ULK4: variants seen among roughly 807,000 people sequenced by gnomAD.
The protein encoded by ULK4 is unc-51 like kinase 4.
Under a neutral mutation model 160.6 loss-of-function variants are expected in ULK4, and 133 were observed. The observed-to-expected ratio is 0.83, with a 90% CI of 0.72 to 0.96. ULK4 has a LOEUF of 0.96. Ranked by LOEUF, ULK4 falls within the 40% of genes least tolerant of loss-of-function variation. The pLI is 0.00. For synonymous variants in ULK4, 534 were observed against 539.8 expected (o/e 0.99, Z 0.15); for missense variants, 1,580 against 1,499.5 (o/e 1.05, Z -0.89).
chr3:41,934,111 CA>C (rs1233136721), intron 4 of ULK4, among the ~76,000 whole-genome samples: 1 of 151,996 alleles, frequency 6.6e-6, no homozygotes, highest in East Asian at 1.9e-4. Context: ...AGAAACAAAT[CA>C]AAATAATATT....
chr3:41,272,841 G>A (rs2079162424), intron 35 of ULK4, among the ~76,000 whole-genome samples: 1 of 151,888 alleles, frequency 6.6e-6, no homozygotes, highest in East Asian at 1.9e-4. Context: ...TTTTTCTTCT[G>A]CAATATCTAA....
At chr3:41,639,180 A>C (rs959129343) in intron 30 of ULK4, among the ~76,000 whole-genome samples, 1 of 152,176 alleles carries the variant, frequency 6.6e-6, no homozygotes, top group African/African-American at 2.4e-5. Context: ...AGCAAATAAC[A>C]GTTTCTGAAT....
intron 27 of ULK4, among the ~76,000 whole-genome samples, chr3:41,698,877 T>C (rs1389327469): frequency 6.6e-6 from 1 of 152,218 alleles, no homozygotes; most frequent in Non-Finnish European, 1.5e-5. Flanking sequence ...TTAACTTTTT[T>C]GCAAGTGGAA....
chr3:41,699,725 C>T (rs1263367980), intron 27 of ULK4, among the ~76,000 whole-genome samples: 5 of 152,206 alleles, frequency 3.3e-5, no homozygotes, highest in African/African-American at 1.2e-4. Context: ...TTTCAAACAA[C>T]AGTATGTTCC....
intron 32 of ULK4, among the ~76,000 whole-genome samples, chr3:41,465,167 G>A (rs957300342): frequency 1.3e-5 from 2 of 152,130 alleles, no homozygotes; most frequent in Admixed American, 1.3e-4. Flanking sequence ...TATTTTCAGT[G>A]TTCTTCATAG....
At chr3:41,802,989 A>T (rs2040510997) in intron 19 of ULK4, among the ~76,000 whole-genome samples, 1 of 151,984 alleles carries the variant, frequency 6.6e-6, no homozygotes, top group South Asian at 2.1e-4. Flanking sequence ...ATATGGTGAA[A>T]CCCCATCTCT....
intron 35 of ULK4, among the ~76,000 whole-genome samples, chr3:41,297,682 A>G (rs2079697005): frequency 6.6e-6 from 1 of 152,218 alleles, no homozygotes; most frequent in Admixed American, 6.5e-5. Context: ...AAGCCAAAGA[A>G]AAATGAATAC....
intron 30 of ULK4, among the ~76,000 whole-genome samples, chr3:41,630,568 T>A (rs2125702571): frequency 6.6e-6 from 1 of 152,294 alleles, no homozygotes; most frequent in African/African-American, 2.4e-5. Flanking sequence ...ACCCAGATAA[T>A]CTCCATATTT....
intron 21 of ULK4, among the ~76,000 whole-genome samples, chr3:41,758,466 T>C (rs2038877315): frequency 6.6e-6 from 1 of 152,184 alleles, no homozygotes; most frequent in African/African-American, 2.4e-5. Flanking sequence ...CAGTATACCT[T>C]AGGAACACAG....
chr3:41,785,229 C>A (rs2039965889), intron 21 of ULK4, among the ~76,000 whole-genome samples: 1 of 152,136 alleles, frequency 6.6e-6, no homozygotes. Context: ...ATTGGTGCAT[C>A]ACAAAATAAA....
intron 35 of ULK4, among the ~76,000 whole-genome samples, chr3:41,366,900 A>G (rs2125778445): frequency 6.6e-6 from 1 of 152,286 alleles, no homozygotes; most frequent in Non-Finnish European, 1.5e-5. Context: ...CACAGTTCTT[A>G]ACATTTCTCT....
chr3:41,285,357 G>A (rs775409887), intron 35 of ULK4, among the ~76,000 whole-genome samples: 11 of 152,116 alleles, frequency 7.2e-5, no homozygotes, highest in Non-Finnish European at 8.8e-5. Flanking sequence ...ATCAATCAAC[G>A]AGTGGATAAA....
At chr3:41,540,230 C>A (rs950609263) in intron 32 of ULK4, among the ~76,000 whole-genome samples, 1 of 151,692 alleles carries the variant, frequency 6.6e-6, no homozygotes, top group Non-Finnish European at 1.5e-5. Flanking sequence ...CCCAATAGGC[C>A]CCAGTGTGTG....
intron 31 of ULK4, among the ~76,000 whole-genome samples, chr3:41,587,969 A>G (rs2030958191): frequency 6.6e-6 from 1 of 152,234 alleles, no homozygotes; most frequent in Admixed American, 6.5e-5. Context: ...GATTAAAATA[A>G]TAATTAGTTT....
intron 32 of ULK4, among the ~76,000 whole-genome samples, chr3:41,508,900 A>T (rs2085482782): frequency 6.6e-6 from 1 of 152,148 alleles, no homozygotes; most frequent in African/African-American, 2.4e-5. Context: ...TTCTGGTAAT[A>T]TGACAAAACA....
intron 31 of ULK4, among the ~76,000 whole-genome samples, chr3:41,578,879 G>C (rs1001805598): frequency 3.3e-5 from 5 of 152,206 alleles, no homozygotes; most frequent in African/African-American, 1.2e-4. Context: ...CCAAAGTCCA[G>C]AAGAGAACTC....
At chr3:41,928,470 A>G (rs1027888467) in intron 5 of ULK4, among the ~76,000 whole-genome samples, 15 of 152,070 alleles carry the variant, frequency 9.9e-5, no homozygotes, top group African/African-American at 3.4e-4. Context: ...TTCAAAAACT[A>G]GCAGAAGACA....
At chr3:41,354,157 G>T (rs1487996324) in intron 35 of ULK4, among the ~76,000 whole-genome samples, 1 of 152,184 alleles carries the variant, frequency 6.6e-6, no homozygotes, top group Non-Finnish European at 1.5e-5. Flanking sequence ...ATGCAAGGGA[G>T]GCTGGGATGT....
At chr3:41,882,292 A>G (rs199847157) in intron 17 of ULK4, 1 of 702,954 alleles carries the variant, frequency 1.4e-6, no homozygotes, top group South Asian at 1.5e-5. Context: ...TAGTGTGGAA[A>G]GAGAAATAAA....
Sources: allele counts gnomAD v4.1 joint callset (sites outside exome capture counted in the v4.1 genomes callset), GRCh38; gene constraint gnomAD v4.1.1; transcripts MANE v1.5; gene names NCBI Gene and HGNC (gene_info 2026-07-23, HGNC 2026-07-21).